The following ATR variants were observed in gnomAD, a reference collection of about 807,000 sequenced individuals.
ATR encodes ATR checkpoint kinase.
ATR carries 142 observed loss-of-function variants against 305.3 expected under a neutral mutation model. That is an observed-to-expected ratio of 0.47 (90% confidence interval 0.41 to 0.53). The LOEUF (loss-of-function observed/expected upper bound fraction) is 0.53, where lower values mean the gene tolerates loss of function less well. Ranked by LOEUF, ATR falls within the 20% of genes least tolerant of loss-of-function variation. ATR has a pLI of 0.00. For synonymous variants in ATR, 1,050 were observed against 1,068.1 expected (o/e 0.98, Z 0.33); for missense variants, 2,135 against 3,133.1 (o/e 0.68, Z 7.60).
chr3:142,562,756 T>C lies in ATR; in HGVS notation c.646A>G (p.Ile216Val), dbSNP rs1165663323. The C allele has an allele frequency of 6.2e-7, 1 of 1,613,222 alleles. No homozygotes were observed. Among genetic ancestry groups the C allele is most frequent in the Admixed American group, 1.7e-5 (1 of 59,848 alleles). Residue 216 changes from isoleucine (I) to valine (V), a missense_variant, in exon 4 of 47, where the codon ATT becomes GTT. By Grantham distance (29) the Ile-to-Val change is conservative (BLOSUM62 3). Around this residue, in one of 9 missense-constraint regions of ATR, gnomAD observed 744 missense variants for 873.2 expected, o/e 0.85. Coordinates refer to ENST00000350721, the MANE Select transcript of ATR (RefSeq NM_001184.4). Reference protein sequence around the residue: ...EVTLLMVLTRIIAIVFFRRQE... With the variant: ...EVTLLMVLTRVIAIVFFRRQE... ...CTTCTAAAAAACACAATTGCAATAATACGAGTAAGAACCATTAATAAAGTG... is the reference window on the plus strand; with the variant it reads ...CTTCTAAAAAACACAATTGCAATAACACGAGTAAGAACCATTAATAAAGTG...
At chr3:142,543,744 A>C (rs918268357) in intron 16 of ATR, among the ~76,000 whole-genome samples, 3 of 151,762 alleles carry the variant, frequency 2.0e-5, no homozygotes, top group African/African-American at 7.3e-5. Flanking sequence ...ATCACGACTC[A>C]CTGCAGCCTC....
At chr3:142,479,638 T>C (rs954988532) in intron 36 of ATR, among the ~76,000 whole-genome samples, 4 of 152,214 alleles carry the variant, frequency 2.6e-5, no homozygotes, top group African/African-American at 9.6e-5. Flanking sequence ...TTGGCCTGCC[T>C]TGCTAGGTTG....
At chr3:142,493,916 T>C (rs2031434487) in intron 34 of ATR, among the ~76,000 whole-genome samples, 1 of 151,160 alleles carries the variant, frequency 6.6e-6, no homozygotes, top group African/African-American at 2.4e-5. Flanking sequence ...CTTATAGCCT[T>C]TGATACAAAG....
rs763466490 is a variant in ATR, at chr3:142,508,108, T to C, written c.4854A>G (p.Val1618=). 3 of 1,607,504 alleles carry C rather than the reference T, an allele frequency of 1.9e-6. No individual in the cohort carries two copies. Among genetic ancestry groups the C allele is most frequent in the South Asian group, 1.1e-5 (1 of 89,428 alleles). The change falls in exon 28 of 47, where the codon GTA becomes GTG. Residue 1618 remains valine (V), a splice_region_variant and synonymous_variant. Coordinates refer to ENST00000350721, the MANE Select transcript of ATR (RefSeq NM_001184.4). ...KSNRNKVDSM[V]STVDYEDYQS... is the part of the protein sequence containing the mutation. ...GATAGTCTTCATAATCCACAGTAGA[T>C]ACTAGATCATAAAAAAAGTTGAGTA...
At chr3:142,477,031 C>T (rs1385851928) in intron 36 of ATR, among the ~76,000 whole-genome samples, 1 of 152,154 alleles carries the variant, frequency 6.6e-6, no homozygotes, top group Admixed American at 6.5e-5. Context: ...ACAATCATGT[C>T]GTCTGCAAAC....
chr3:142,550,015 CACTTAA>C (rs1296733112), intron 14 of ATR, 111 bp downstream of exon 14: 5 of 1,322,596 alleles, frequency 3.8e-6, no homozygotes, highest in East Asian at 2.5e-5. Flanking sequence ...GACTCAAATC[CACTTAA>C]ACTTAAGTTT....
intron 45 of ATR, among the ~76,000 whole-genome samples, chr3:142,453,736 G>A (rs374871085): frequency 6.6e-6 from 1 of 152,062 alleles, no homozygotes; most frequent in East Asian, 1.9e-4. Context: ...TATTTCTCCT[G>A]TATTCCCCAA....
At chr3:142,492,819 G>A (rs2031369015) in intron 35 of ATR, among the ~76,000 whole-genome samples, 1 of 152,100 alleles carries the variant, frequency 6.6e-6, no homozygotes, top group South Asian at 2.1e-4. Context: ...TTAATACCTA[G>A]TAAAGAAGTT....
intron 23 of ATR, among the ~76,000 whole-genome samples, chr3:142,520,217 G>A (rs1298179390): frequency 6.6e-6 from 1 of 152,062 alleles, no homozygotes; most frequent in Non-Finnish European, 1.5e-5. Flanking sequence ...GTTCTGACCA[G>A]CCGTTCCATC....
chr3:142,475,345 GGT>G (rs1391995527), intron 36 of ATR, among the ~76,000 whole-genome samples: 1 of 152,040 alleles, frequency 6.6e-6, no homozygotes, highest in African/African-American at 2.4e-5. Flanking sequence ...GAGAACATGC[GGT>G]GTTTGGTTTT....
At chr3:142,524,523 C>T (rs1245712951) in intron 21 of ATR, among the ~76,000 whole-genome samples, 1 of 151,962 alleles carries the variant, frequency 6.6e-6, no homozygotes, top group Non-Finnish European at 1.5e-5. Flanking sequence ...GGAAAACAGA[C>T]AAATAACTAA....
In ATR at chr3:142,505,162, C is replaced by T. The variant is rs2108355228; in HGVS notation, c.5173G>A (p.Ala1725Thr). Residue 1725 changes from alanine to threonine, a missense_variant, in exon 29 of 47, where the codon GCT becomes ACT. This residue lies in a region of ATR where 117 missense variants were observed against 198.3 expected (regional missense o/e 0.59). Transcript: ENST00000350721. ...ACCTGGTCTGGTTCTAGCTGAATAG[C>T]CCTGTCATAACAAGCAGTGGCATCC... The part of the protein sequence containing the change: ...LRDATACYDR[A>T]IQLEPDQIIH... 3 of 1,614,148 alleles carry T rather than the reference C, an allele frequency of 1.9e-6. No homozygotes were observed. The highest frequency in any genetic ancestry group is 1.7e-6 in the Non-Finnish European group (2 of 1,180,014).
intron 16 of ATR, among the ~76,000 whole-genome samples, chr3:142,545,699 CATT>C (rs1340756503): frequency 2.0e-5 from 3 of 151,958 alleles, no homozygotes; most frequent in African/African-American, 7.3e-5. Context: ...GAAAGATGAT[CATT>C]ATTTGTGTAA....
At chr3:142,508,199 T>C in intron 27 of ATR, 90 bp from the exon 28 acceptor site, 1 of 1,061,670 alleles carries the variant, frequency 9.4e-7, no homozygotes, top group Non-Finnish European at 1.4e-6. Context: ...TTTATTTCAC[T>C]AAACAAATTA....
intron 25 of ATR, among the ~76,000 whole-genome samples, chr3:142,515,054 CTCTT>C (rs1387828319): frequency 1.3e-5 from 2 of 151,734 alleles, no homozygotes; most frequent in Non-Finnish European, 2.9e-5. Context: ...TATAATATAT[CTCTT>C]TATTGAATGT....
At chr3:142,539,337 C>T (rs1400967394) in intron 18 of ATR, among the ~76,000 whole-genome samples, 1 of 152,030 alleles carries the variant, frequency 6.6e-6, no homozygotes, top group African/African-American at 2.4e-5. Context: ...CCCAGGTCAT[C>T]TTGTCATGCC....
intron 35 of ATR, among the ~76,000 whole-genome samples, chr3:142,489,750 C>T (rs1429279937): frequency 1.3e-5 from 2 of 152,146 alleles, no homozygotes; most frequent in African/African-American, 4.8e-5. Context: ...TGTGACTAAA[C>T]CTACTATAAA....
At chr3:142,461,320 C>G (rs559981761) in intron 42 of ATR, among the ~76,000 whole-genome samples, 2 of 152,186 alleles carry the variant, frequency 1.3e-5, no homozygotes, top group Admixed American at 1.3e-4. Flanking sequence ...TTTCCATCAT[C>G]CTTTCTACAT....
chr3:142,450,197 T>G, intron 46 of ATR: 1 of 489,530 alleles, frequency 2.0e-6, no homozygotes, highest in Non-Finnish European at 3.8e-6. Flanking sequence ...GCCAAGAGCC[T>G]GGACTCCAAA....
Sources: allele counts gnomAD v4.1 joint callset (sites outside exome capture counted in the v4.1 genomes callset), GRCh38; gene constraint gnomAD v4.1.1; regional missense constraint gnomAD v4.1.1; transcripts MANE v1.5; gene names NCBI Gene and HGNC (gene_info 2026-07-23, HGNC 2026-07-21).